Variants in PPFIA2 observed in about 807,000 individuals in gnomAD.
PPFIA2 encodes the protein liprin-alpha-2.
In PPFIA2, 46 loss-of-function variants were observed where a neutral mutation model predicts 175.5. That is an observed-to-expected ratio of 0.26 (90% CI 0.21 to 0.34). PPFIA2 has a LOEUF of 0.34. Among genes scored for constraint, PPFIA2 ranks in the 10% least tolerant of loss-of-function variants. The probability of loss-of-function intolerance (pLI) is 1.00; values close to 1 mark genes in which losing one functional copy is unlikely to be tolerated. For synonymous variants in PPFIA2, 568 were observed against 511.4 expected (o/e 1.11, Z -1.49); for missense variants, 1,179 against 1,506.1 (o/e 0.78, Z 3.60).
chr12:81,443,712 T>C (rs1033949232), intron 6 of PPFIA2, among the ~76,000 whole-genome samples: 6 of 152,072 alleles, frequency 3.9e-5, no homozygotes, highest in Non-Finnish European at 7.4e-5. Flanking sequence ...AACTCTTGAA[T>C]TTTCTCTGGA....
At chr12:81,312,358 C>G in intron 22 of PPFIA2, 1 of 601,312 alleles carries the variant, frequency 1.7e-6, no homozygotes, top group Non-Finnish European at 2.9e-6. Flanking sequence ...CGTCGAAAAG[C>G]ATAGTCAGGC....
At chr12:81,564,397 C>T (rs1055712022) in intron 4 of PPFIA2, among the ~76,000 whole-genome samples, 2 of 152,120 alleles carry the variant, frequency 1.3e-5, no homozygotes, top group Non-Finnish European at 1.5e-5. Context: ...GAAATAGAAG[C>T]GAGCCTGCTC....
At chr12:81,373,272 A>C (rs1458234665) in intron 11 of PPFIA2, among the ~76,000 whole-genome samples, 1 of 151,880 alleles carries the variant, frequency 6.6e-6, no homozygotes, top group Non-Finnish European at 1.5e-5. Flanking sequence ...AACCCCCCAA[A>C]ACAGTGCAAT....
chr12:81,572,829 T>TTG (rs139086016), intron 4 of PPFIA2, among the ~76,000 whole-genome samples: 178 of 151,600 alleles, frequency 1.2e-3, no homozygotes, highest in Middle Eastern at 6.8e-3. Context: ...AGTTGTGTGT[T>TTG]TGTGTGTGTG....
chr12:81,646,855 G>C (rs2066157670), intron 4 of PPFIA2, among the ~76,000 whole-genome samples: 1 of 151,604 alleles, frequency 6.6e-6, no homozygotes. Flanking sequence ...GGTATGGAAG[G>C]AAGGAGGGAA....
chr12:81,618,438 G>GAGAAA (rs146861749), intron 4 of PPFIA2, among the ~76,000 whole-genome samples: 9,634 of 151,416 alleles, frequency 0.064, 419 homozygotes, highest in East Asian at 0.25. Flanking sequence ...TTAAAAGGTA[G>GAGAAA]AGAAAACTGA....
At chr12:81,270,069 G>A (rs1228597245) in intron 28 of PPFIA2, among the ~76,000 whole-genome samples, 1 of 151,992 alleles carries the variant, frequency 6.6e-6, no homozygotes, top group Non-Finnish European at 1.5e-5. Context: ...AAAACCTATT[G>A]AAATAAAAAA....
At chr12:81,473,821 T>A (rs2057106483) in intron 4 of PPFIA2, among the ~76,000 whole-genome samples, 1 of 152,212 alleles carries the variant, frequency 6.6e-6, no homozygotes, top group South Asian at 2.1e-4. Flanking sequence ...ATAAATTACA[T>A]TAGAATGATT....
At chr12:81,407,211 G>A (rs1318535508) in intron 7 of PPFIA2, among the ~76,000 whole-genome samples, 3 of 152,234 alleles carry the variant, frequency 2.0e-5, no homozygotes, top group East Asian at 1.9e-4. Context: ...TTGGCCCAGC[G>A]CGGCAGCTCA....
At chr12:81,276,381 A>G (rs73350746) in intron 28 of PPFIA2, among the ~76,000 whole-genome samples, 7,947 of 152,252 alleles carry the variant, frequency 0.052, 381 homozygotes, top group African/African-American at 0.13. Context: ...AAATATATCC[A>G]TGTAAGAAAA....
At chr12:81,289,474 G>T (rs562730396) in intron 24 of PPFIA2, among the ~76,000 whole-genome samples, 97 of 151,794 alleles carry the variant, frequency 6.4e-4, no homozygotes, top group East Asian at 1.2e-3. Flanking sequence ...AACAAATTTG[G>T]CTCCTATATA....
At chr12:81,281,547 T>C (rs1593756264) in intron 26 of PPFIA2, 97 bp from the exon 27 acceptor site, 2 of 812,038 alleles carry the variant, frequency 2.5e-6, no homozygotes, top group East Asian at 5.7e-5. Flanking sequence ...TTAATTACTA[T>C]GATATGTGGA....
chr12:81,349,295 T>C (rs1566343234), intron 17 of PPFIA2, among the ~76,000 whole-genome samples: 1 of 152,206 alleles, frequency 6.6e-6, no homozygotes, highest in Non-Finnish European at 1.5e-5. Flanking sequence ...TGTTTAAAAA[T>C]CTTACAAAGT....
At chr12:81,579,576 T>A (rs533609840) in intron 4 of PPFIA2, among the ~76,000 whole-genome samples, 1 of 151,944 alleles carries the variant, frequency 6.6e-6, no homozygotes, top group Non-Finnish European at 1.5e-5. Flanking sequence ...CTTATTTTCA[T>A]GTGAAAAAAG....
At chr12:81,344,004 C>G (rs994694822) in intron 19 of PPFIA2, among the ~76,000 whole-genome samples, 14 of 152,114 alleles carry the variant, frequency 9.2e-5, no homozygotes, top group Non-Finnish European at 1.2e-4. Flanking sequence ...GGCAATATTC[C>G]TCTGCCCTAA....
intron 4 of PPFIA2, among the ~76,000 whole-genome samples, chr12:81,485,478 A>G (rs1473462005): frequency 6.6e-6 from 1 of 151,796 alleles, no homozygotes; most frequent in African/African-American, 2.4e-5. Flanking sequence ...ATAAAAGAGT[A>G]CTTTCCCCAA....
chr12:81,558,964 T>C (rs971114632), intron 4 of PPFIA2, among the ~76,000 whole-genome samples: 3 of 152,214 alleles, frequency 2.0e-5, no homozygotes, highest in Admixed American at 1.3e-4. Flanking sequence ...TTCTGATAAG[T>C]TCTTGAATTA....
intron 22 of PPFIA2, among the ~76,000 whole-genome samples, chr12:81,305,580 C>T (rs1311702733): frequency 6.6e-6 from 1 of 152,146 alleles, no homozygotes; most frequent in Non-Finnish European, 1.5e-5. Context: ...TACTGACTTT[C>T]TCTCCATTTG....
intron 4 of PPFIA2, among the ~76,000 whole-genome samples, chr12:81,462,389 A>G (rs1402751011): frequency 6.8e-6 from 1 of 146,726 alleles, no homozygotes; most frequent in East Asian, 2.0e-4. Context: ...TGATTCAAAC[A>G]CACTTCTACA....
Sources: gnomAD v4.1 joint callset for allele counts (sites outside exome capture counted in the v4.1 genomes callset) on GRCh38, gnomAD v4.1.1 for gene constraint, MANE v1.5 for transcripts, NCBI Gene and HGNC (gene_info 2026-07-23, HGNC 2026-07-21) for gene names.